CSGALNACT1: variants seen among roughly 807,000 people sequenced by gnomAD.
CSGALNACT1 encodes the protein chondroitin sulfate N-acetylgalactosaminyltransferase 1, also known as beta4GalNAcT-1.
In CSGALNACT1, 52 loss-of-function variants were observed where a neutral mutation model predicts 51.0. That is an observed-to-expected ratio of 1.02 (90% CI 0.82 to 1.29). The LOEUF is 1.29. Ranked by LOEUF, CSGALNACT1 falls within the 50% of genes most tolerant of loss-of-function variation. The pLI is 0.00. For missense variants in CSGALNACT1, 935 were observed against 679.2 expected, an observed-to-expected ratio of 1.38 and a Z score of -4.19; for synonymous variants, 341 against 254.4, an observed-to-expected ratio of 1.34 and a Z score of -3.24.
exon 4 of CSGALNACT1, chr8:19,505,463 C>G: frequency 6.2e-7 from 1 of 1,614,198 alleles, no homozygotes; most frequent in Non-Finnish European, 8.5e-7. Flanking sequence ...CCTGCGAGTG[C>G]AGGAAGGCCA....
chr8:19,628,410 C>T (rs968738379), intron 1 of CSGALNACT1, among the ~76,000 whole-genome samples: 1 of 152,188 alleles, frequency 6.6e-6, no homozygotes, highest in South Asian at 2.1e-4. Flanking sequence ...GGAAACTGCC[C>T]ACATGATCCA....
At chr8:19,641,705 C>A (rs1225047088) in intron 1 of CSGALNACT1, 1 of 152,176 alleles carries the variant, frequency 6.6e-6, no homozygotes, top group Non-Finnish European at 1.5e-5. Context: ...GCCTTAAATG[C>A]ATTTACAAAA....
At chr8:19,443,147 T>C (rs1414325428) in intron 5 of CSGALNACT1, among the ~76,000 whole-genome samples, 1 of 152,216 alleles carries the variant, frequency 6.6e-6, no homozygotes, top group East Asian at 1.9e-4. Flanking sequence ...ATTTGTGTTT[T>C]GCCCATGTCC....
intron 3 of CSGALNACT1, among the ~76,000 whole-genome samples, chr8:19,590,084 T>C (rs533051975): frequency 6.6e-6 from 1 of 152,360 alleles, no homozygotes; most frequent in South Asian, 2.1e-4. Context: ...TGTCATCTTA[T>C]TATCTCTGCC....
intron 8 of CSGALNACT1, among the ~76,000 whole-genome samples, chr8:19,410,530 A>T (rs1049328216): frequency 6.6e-6 from 1 of 152,146 alleles, no homozygotes; most frequent in African/African-American, 2.4e-5. Context: ...TGAGGATCAC[A>T]TGGAATTTAA....
chr8:19,492,568 C>G, intron 4 of CSGALNACT1, among the ~76,000 whole-genome samples: 1 of 152,214 alleles, frequency 6.6e-6, no homozygotes, highest in East Asian at 1.9e-4. Flanking sequence ...CCAAGCCTCA[C>G]CTGTGTCATG....
chr8:19,431,301 G>A (rs534507292), intron 6 of CSGALNACT1, among the ~76,000 whole-genome samples: 1 of 152,150 alleles, frequency 6.6e-6, no homozygotes, highest in South Asian at 2.1e-4. Context: ...TTCATAGATG[G>A]TTTTTTGTAT....
chr8:19,412,905 G>A (rs893004787), intron 8 of CSGALNACT1, among the ~76,000 whole-genome samples: 1 of 152,094 alleles, frequency 6.6e-6, no homozygotes, highest in African/African-American at 2.4e-5. Flanking sequence ...TGCCAGGAGG[G>A]CTGCATGCCC....
intron 1 of CSGALNACT1, among the ~76,000 whole-genome samples, chr8:19,700,632 C>A (rs1320653123): frequency 6.6e-6 from 1 of 152,168 alleles, no homozygotes; most frequent in African/African-American, 2.4e-5. Flanking sequence ...ATTGATTGAA[C>A]TGAAAACATC....
rs2079915057 is a variant in CSGALNACT1 at position 19,518,087 on chromosome 8, T to G, written c.-296-11957A>C. Among the ~76,000 whole-genome samples, 3 of 152,178 alleles carry G rather than the reference T, an allele frequency of 2.0e-5. No individual in the cohort carries two copies. In the South Asian group the frequency reaches 6.2e-4, roughly 32 times the overall value. On this transcript the variant is annotated intron_variant, in intron 3 of 9. Transcript: ENST00000454498. ...TTCTAGAGAAATGCATGCTGTTAAT[T>G]AACAAAGAGGGGACTAATTTAAAAA...
At chr8:19,499,184 A>C (rs4922044) in intron 4 of CSGALNACT1, among the ~76,000 whole-genome samples, 114,635 of 152,186 alleles carry the variant, frequency 0.75, 44,044 homozygotes, top group East Asian at 0.86. Flanking sequence ...ACCGACCCAT[A>C]TCTTCTAGGA....
At chr8:19,574,242 T>A (rs1231256475) in intron 3 of CSGALNACT1, among the ~76,000 whole-genome samples, 1 of 152,172 alleles carries the variant, frequency 6.6e-6, no homozygotes, top group Non-Finnish European at 1.5e-5. Flanking sequence ...TTCTTTCTTG[T>A]ATGAGCTGCT....
intron 4 of CSGALNACT1, among the ~76,000 whole-genome samples, chr8:19,480,836 G>A (rs1021783334): frequency 1.3e-5 from 2 of 152,200 alleles, no homozygotes; most frequent in Non-Finnish European, 2.9e-5. Flanking sequence ...CAACAACACT[G>A]GGAGGAAAAA....
At chr8:19,684,748 C>G (rs541118269), upstream of CSGALNACT1, among the ~76,000 whole-genome samples, 15 of 152,152 alleles carry the variant, frequency 9.9e-5, no homozygotes, top group Non-Finnish European at 1.8e-4. Context: ...AAAGCCTCTC[C>G]GTGTAAGCCT....
chr8:19,533,054 A>C (rs998501305), intron 3 of CSGALNACT1, among the ~76,000 whole-genome samples: 2 of 152,176 alleles, frequency 1.3e-5, no homozygotes, highest in African/African-American at 4.8e-5. Flanking sequence ...ACTTTTCATG[A>C]AGCTTTTCTT....
intron 5 of CSGALNACT1, among the ~76,000 whole-genome samples, chr8:19,442,750 GAGAAAGCTA>G (rs1220988602): frequency 6.6e-6 from 1 of 150,936 alleles, no homozygotes; most frequent in South Asian, 2.1e-4. Flanking sequence ...TACGAAAGAT[GAGAAAGCTA>G]AAGTCCAGAG....
At chr8:19,557,091 A>T (rs2039631436) in intron 3 of CSGALNACT1, among the ~76,000 whole-genome samples, 2 of 152,050 alleles carry the variant, frequency 1.3e-5, no homozygotes, top group Non-Finnish European at 2.9e-5. Flanking sequence ...GTGAAAAGGG[A>T]TTGGCATCAC....
intron 1 of CSGALNACT1, among the ~76,000 whole-genome samples, chr8:19,634,463 A>G (rs908500191): frequency 6.6e-6 from 1 of 152,130 alleles, no homozygotes; most frequent in Non-Finnish European, 1.5e-5. Context: ...AGAGTTCCAG[A>G]CCAGCCTGGG....
At chr8:19,534,595 G>T (rs987352486) in intron 3 of CSGALNACT1, among the ~76,000 whole-genome samples, 2 of 152,126 alleles carry the variant, frequency 1.3e-5, no homozygotes, top group Non-Finnish European at 2.9e-5. Flanking sequence ...GTACCATTCA[G>T]CCAGGGGCCA....
Sources: allele counts gnomAD v4.1 joint callset (sites outside exome capture counted in the v4.1 genomes callset), GRCh38; gene constraint gnomAD v4.1.1; transcripts MANE v1.5; gene names NCBI Gene and HGNC (gene_info 2026-07-23, HGNC 2026-07-21).